Variants in INO80D observed in about 807,000 individuals in gnomAD.
INO80D encodes the protein INO80 complex subunit D.
Under a neutral mutation model 87.6 loss-of-function variants are expected in INO80D, and 21 were observed. The ratio of observed to expected loss-of-function variants is 0.24; its 90% CI spans 0.17 to 0.35. The LOEUF (loss-of-function observed/expected upper bound fraction) is 0.35. Ranked by LOEUF, INO80D falls within the 10% of genes least tolerant of loss-of-function variation. INO80D has a pLI of 1.00. For missense variants in INO80D, 982 were observed against 1,280.7 expected, an observed-to-expected ratio of 0.77 and a Z score of 3.56; for synonymous variants, 440 against 491.0, an observed-to-expected ratio of 0.90 and a Z score of 1.37.
Position 206,085,828 on chromosome 2 carries a change from G to C in INO80D, c.-124+73C>G, listed in dbSNP as rs1394335644. On this transcript the variant is annotated intron_variant, in intron 1 of 10. Transcript: ENST00000403263. The surrounding 1 kb of genome is among the most constrained non-coding windows in gnomAD (Gnocchi z 4.5). ...CGTAAGCGCGCTCGCCGCCCGCCCA[G>C]CCTGCGCGGCCCAGCCCGCCGCCCT... 1 of 151,852 alleles carries C rather than the reference G, an allele frequency of 6.6e-6. No homozygotes were observed. Among genetic ancestry groups the C allele is most frequent in the Non-Finnish European group, 1.5e-5 (1 of 68,086 alleles). 9.4% of individuals were successfully genotyped at this position (151,852 alleles called of 1,614,324 possible).
intron 5 of INO80D, among the ~76,000 whole-genome samples, chr2:206,029,684 T>C (rs745935507): frequency 2.5e-4 from 38 of 152,164 alleles, no homozygotes; most frequent in Non-Finnish European, 3.7e-4. Flanking sequence ...CAGTATACTT[T>C]TTACTACAGA....
chr2:206,011,264 AG>A (rs1688167678), intron 8 of INO80D, among the ~76,000 whole-genome samples: 3 of 152,092 alleles, frequency 2.0e-5, no homozygotes, highest in Admixed American at 2.0e-4. Context: ...TGATCTCAGG[AG>A]GAAGTTAGGG....
chr2:206,067,064 A>G (rs1468002839), intron 1 of INO80D, among the ~76,000 whole-genome samples: 2 of 148,620 alleles, frequency 1.3e-5, no homozygotes, highest in Non-Finnish European at 3.0e-5. Flanking sequence ...CCTGGCCAAC[A>G]TGGTGAAATC....
rs1359954210 is a variant in INO80D at position 206,085,230 on chromosome 2, C to T, written c.-124+671G>A. Among the ~76,000 whole-genome samples the T allele has an allele frequency of 2.0e-5, 3 of 152,106 alleles. No homozygotes were observed. The highest frequency in any genetic ancestry group is 6.5e-5 in the Admixed American group (1 of 15,284). ...GACTCCTCACCGCCCCTCCACCCGACCCCACGCCCGCCAGGCCGCCCGCCC... is the reference window on the plus strand; with the variant it reads ...GACTCCTCACCGCCCCTCCACCCGATCCCACGCCCGCCAGGCCGCCCGCCC... On this transcript the variant is annotated intron_variant, in intron 1 of 10. Transcript: ENST00000403263. The surrounding 1 kb of genome is among the most constrained non-coding windows in gnomAD (Gnocchi z 4.5).
chr2:206,009,832 T>A (rs901750515), intron 8 of INO80D, 38 bp from the exon 9 acceptor site: 1 of 1,528,674 alleles, frequency 6.5e-7, no homozygotes, highest in Non-Finnish European at 8.9e-7. Flanking sequence ...ATTGAGATTA[T>A]CTGGGATAAA....
At chr2:206,039,158 G>A (rs1031686724) in intron 5 of INO80D, among the ~76,000 whole-genome samples, 8 of 152,230 alleles carry the variant, frequency 5.3e-5, no homozygotes, top group Non-Finnish European at 1.2e-4. Flanking sequence ...AGCACTTTGG[G>A]AGGCCAAGGC....
At chr2:206,063,850 A>G (rs1689748424) in intron 1 of INO80D, among the ~76,000 whole-genome samples, 2 of 152,208 alleles carry the variant, frequency 1.3e-5, no homozygotes, top group South Asian at 4.1e-4. Flanking sequence ...TGATGTTTGC[A>G]TGCTATACTC....
intron 1 of INO80D, among the ~76,000 whole-genome samples, chr2:206,084,378 A>T (rs1421937906): frequency 6.6e-6 from 1 of 151,992 alleles, no homozygotes; most frequent in East Asian, 1.9e-4. Flanking sequence ...CCATTACTCT[A>T]TTTCTAGGTC....
In INO80D at chr2:206,062,693, G is replaced by A. The variant is rs543367749; in HGVS notation, c.218+106C>T. 4.7e-5 allele frequency: 41 copies of A among 880,912 alleles called. No homozygotes were observed. The highest frequency in any genetic ancestry group is 6.5e-5 in the Non-Finnish European group (37 of 567,634). The allele number at this position is 880,912 out of a possible 1,614,324, so 54.6% of individuals were successfully genotyped here. ...CATTTATATAGGTGGAGGAAGGGAG[G>A]GAGGGAGAAATGAAGGACAGAAGAA... On this transcript the variant is annotated intron_variant, in intron 3 of 10. Coordinates refer to ENST00000403263, the MANE Select transcript of INO80D (RefSeq NM_017759.5). The surrounding 1 kb of genome is among the most constrained non-coding windows in gnomAD (Gnocchi z 4.6).
intron 1 of INO80D, 43 bp from the exon 2 acceptor site, chr2:206,063,287 C>A: frequency 1.9e-6 from 1 of 526,312 alleles, no homozygotes; most frequent in Admixed American, 4.1e-5. Context: ...CAGAAATAAG[C>A]AAAGCTAGCT....
At chr2:206,060,255 G>A (rs779357155) in intron 3 of INO80D, among the ~76,000 whole-genome samples, 150 of 151,876 alleles carry the variant, frequency 9.9e-4, no homozygotes, top group Non-Finnish European at 1.8e-3. Context: ...ACTTATGGCC[G>A]GGCGCAGTGG....
intron 6 of INO80D, among the ~76,000 whole-genome samples, chr2:206,021,979 A>G (rs1220183661): frequency 6.6e-6 from 1 of 152,166 alleles, no homozygotes; most frequent in Non-Finnish European, 1.5e-5. Context: ...CTAGTGTACA[A>G]TACATTCCCT....
chr2:206,007,144 C>T, intron 10 of INO80D, 140 bp downstream of exon 10: 1 of 705,384 alleles, frequency 1.4e-6, no homozygotes, highest in Non-Finnish European at 2.4e-6. Flanking sequence ...AAAATAGCTG[C>T]AGTGGCATTA....
rs1170099967 is a variant in INO80D at position 205,996,317 on chromosome 2, T to G, written c.*8051A>C. ...GAATTAAGGGGGAAAAAAACCACAA[T>G]GATGTGTGATTTTTTTTTTTTTTTT... On this transcript the variant is annotated 3_prime_UTR_variant, in exon 11 of 11. Coordinates refer to ENST00000403263, the MANE Select transcript of INO80D (RefSeq NM_017759.5). 1 of 146,418 alleles carries G rather than the reference T, an allele frequency of 6.8e-6. No individual in the cohort carries two copies. Among genetic ancestry groups the G allele is most frequent in the African/African-American group, 2.5e-5 (1 of 40,380 alleles). 9.1% of individuals were successfully genotyped at this position (146,418 alleles called of 1,614,324 possible).
intron 1 of INO80D, among the ~76,000 whole-genome samples, chr2:206,072,019 T>C (rs1689985341): frequency 1.3e-5 from 2 of 152,116 alleles, no homozygotes; most frequent in Admixed American, 6.6e-5. Context: ...CTGGTAGGAC[T>C]GCACAGTTTG....
At chr2:206,013,899 C>T (rs1258869177) in intron 8 of INO80D, among the ~76,000 whole-genome samples, 1 of 151,000 alleles carries the variant, frequency 6.6e-6, no homozygotes, top group African/African-American at 2.4e-5. Context: ...TGGCTCATGC[C>T]TGTAATCCCA....
intron 8 of INO80D, among the ~76,000 whole-genome samples, chr2:206,016,399 T>C (rs777869042): frequency 2.6e-5 from 4 of 152,206 alleles, no homozygotes; most frequent in African/African-American, 9.6e-5. Context: ...CCATTGTATC[T>C]AGGAAGTAAC....
chr2:206,019,477 T>C (rs756540091), intron 7 of INO80D, among the ~76,000 whole-genome samples: 1 of 152,218 alleles, frequency 6.6e-6, no homozygotes, highest in Non-Finnish European at 1.5e-5. Context: ...GGACCAGAAT[T>C]CTATTAACAA....
In INO80D at chr2:206,005,378, C is replaced by A. The variant is rs767914360; in HGVS notation, c.2074G>T (p.Val692Leu). The part of the protein sequence containing the change: ...VQELSDRGIG[V>L]FSTGTGASGI... ...GAAGCTCCAGTACCTGTGGAGAACA[C>A]CCCTATTCCTCTATCTGACAACTCC... The change falls in exon 11 of 11, where the codon GTG becomes TTG. Residue 692 changes from valine (V) to leucine (L), a missense_variant. By Grantham distance (32) the Val-to-Leu change is conservative. Coordinates refer to ENST00000403263, the MANE Select transcript of INO80D (RefSeq NM_017759.5). 3.1e-6 allele frequency: 5 copies of A among 1,613,882 alleles called. No homozygotes were observed. Among genetic ancestry groups the A allele is most frequent in the Non-Finnish European group, 4.2e-6 (5 of 1,179,902 alleles).
Sources: gnomAD v4.1 joint callset for allele counts (sites outside exome capture counted in the v4.1 genomes callset) on GRCh38, gnomAD v4.1.1 for gene constraint, Gnocchi (gnomAD v3.1) non-coding constraint, MANE v1.5 for transcripts, NCBI Gene and HGNC (gene_info 2026-07-23, HGNC 2026-07-21) for gene names.